The following CCM2 variants were observed in gnomAD, a reference collection of about 807,000 sequenced individuals.
CCM2 encodes the protein cerebral cavernous malformations 2 protein.
Under a neutral mutation model 44.9 loss-of-function variants are expected in CCM2, and 25 were observed. That is an observed-to-expected ratio of 0.56 (90% CI 0.41 to 0.78). The LOEUF (loss-of-function observed/expected upper bound fraction) is 0.78. Ranked by LOEUF, CCM2 falls within the 30% of genes least tolerant of loss-of-function variation. The pLI is 0.00. For missense variants in CCM2, 481 were observed against 580.6 expected (o/e 0.83, Z 1.76); for synonymous variants, 219 against 241.1 (o/e 0.91, Z 0.85).
intron 2 of CCM2, among the ~76,000 whole-genome samples, chr7:45,055,459 C>T (rs531889551): frequency 7.9e-5 from 12 of 152,186 alleles, no homozygotes; most frequent in African/African-American, 2.2e-4. Flanking sequence ...GAGGCTAAGG[C>T]GGGTGGATCA....
intron 1 of CCM2, among the ~76,000 whole-genome samples, chr7:45,013,987 C>G (rs1796161822): frequency 6.6e-6 from 1 of 152,136 alleles, no homozygotes; most frequent in Non-Finnish European, 1.5e-5. Context: ...CAAGTTTCTT[C>G]ATTTTAAAGT....
chr7:45,065,691 T>A (rs1798737577), intron 4 of CCM2, among the ~76,000 whole-genome samples: 1 of 152,192 alleles, frequency 6.6e-6, no homozygotes, highest in South Asian at 2.1e-4. Flanking sequence ...CAGGGAACAC[T>A]GGCGGGGTTT....
intron 2 of CCM2, among the ~76,000 whole-genome samples, chr7:45,045,896 A>C (rs941397055): frequency 1.3e-5 from 2 of 152,252 alleles, no homozygotes; most frequent in Non-Finnish European, 2.9e-5. Context: ...AATCACTTAA[A>C]AAATGAAACA....
chr7:45,037,948 C>T (rs1318617695), intron 1 of CCM2, among the ~76,000 whole-genome samples: 1 of 152,238 alleles, frequency 6.6e-6, no homozygotes, highest in Non-Finnish European at 1.5e-5. Flanking sequence ...GAATCTCCCC[C>T]TTCTATCATT....
At chr7:45,074,872 G>A (rs969431496) in intron 9 of CCM2, among the ~76,000 whole-genome samples, 16 of 152,204 alleles carry the variant, frequency 1.1e-4, no homozygotes, top group Non-Finnish European at 1.9e-4. Flanking sequence ...AGGGCTGTGT[G>A]GTCTGAGCAG....
rs144918172 is a variant in CCM2 at position 45,076,006 on chromosome 7, C to T, written c.1284C>T (p.Ile428=). Reference sequence around the variant, plus strand: ...AGTGGGACCGCATGATCTCGGACATCAGCAGCGACATTGAGGCGCTGGGCT... The same window carrying T: ...AGTGGGACCGCATGATCTCGGACATTAGCAGCGACATTGAGGCGCTGGGCT... ...GDEWDRMISD[I]SSDIEALGCS... The change falls in exon 10 of 10, where the codon ATC becomes ATT. Residue 428 remains isoleucine, a synonymous_variant. Transcript: ENST00000258781. The T allele has an allele frequency of 3.2e-5, 52 of 1,612,970 alleles. No individual in the cohort carries two copies. The African/African-American group carries it at 6.3e-4, about 19-fold the overall frequency.
At chr7:45,061,584 C>A (rs1798525353) in intron 2 of CCM2, among the ~76,000 whole-genome samples, 1 of 151,688 alleles carries the variant, frequency 6.6e-6, no homozygotes, top group African/African-American at 2.4e-5. Flanking sequence ...CCTCCCATCT[C>A]AGCCTCCTGA....
chr7:45,023,465 G>A (rs1465388694), intron 1 of CCM2, among the ~76,000 whole-genome samples: 1 of 152,150 alleles, frequency 6.6e-6, no homozygotes, highest in Non-Finnish European at 1.5e-5. Flanking sequence ...CGGGAGAATC[G>A]CTTGAACTTG....
intron 1 of CCM2, among the ~76,000 whole-genome samples, chr7:45,015,199 C>T (rs1796216834): frequency 6.6e-6 from 1 of 152,142 alleles, no homozygotes; most frequent in Non-Finnish European, 1.5e-5. Context: ...CACACTGATA[C>T]CTCTAATTCC....
rs1226615123 is a variant in CCM2, at chr7:45,000,236, A to G, written c.-98A>G. 9.3e-6 allele frequency: 6 copies of G among 642,760 alleles called. No homozygotes were observed. The highest frequency in any genetic ancestry group is 1.1e-5 in the Non-Finnish European group (6 of 548,016). 39.8% of individuals were successfully genotyped at this position (642,760 alleles called of 1,614,324 possible). A position where few individuals can be genotyped will look rare whatever the true frequency, so the allele number is the denominator to read the frequency against. The stretch of plus-strand genomic sequence containing the variant: ...GGCCCGGCTGGCGGGCGGCGCCGGG[A>G]GCGCGGGGGCGGCGGGCCCGGGTCG... On this transcript the variant is annotated 5_prime_UTR_variant, in exon 1 of 10. Transcript: ENST00000258781.
chr7:45,042,562 G>GCAA (rs1797563907), intron 2 of CCM2, among the ~76,000 whole-genome samples: 11 of 152,062 alleles, frequency 7.2e-5, no homozygotes, highest in Admixed American at 7.2e-4. Context: ...TACTCATAGG[G>GCAA]GAAAACAGAA....
chr7:45,058,588 C>G (rs539314374), intron 2 of CCM2, among the ~76,000 whole-genome samples: 4 of 149,292 alleles, frequency 2.7e-5, no homozygotes, highest in African/African-American at 9.9e-5. Context: ...TTTGTCCTTG[C>G]GATAGTTTGT....
chr7:45,008,195 A>G (rs1350478724), intron 1 of CCM2, among the ~76,000 whole-genome samples: 1 of 151,722 alleles, frequency 6.6e-6, no homozygotes, highest in Non-Finnish European at 1.5e-5. Flanking sequence ...GCGTGTTCCC[A>G]TGCCCGGCTA....
At chr7:45,038,972 T>C (rs1797353643) in intron 2 of CCM2, among the ~76,000 whole-genome samples, 1 of 152,000 alleles carries the variant, frequency 6.6e-6, no homozygotes, top group African/African-American at 2.4e-5. Flanking sequence ...TCAGAGAGAA[T>C]AGGAAAGGAG....
At chr7:45,008,551 G>A (rs1344777287) in intron 1 of CCM2, among the ~76,000 whole-genome samples, 2 of 151,634 alleles carry the variant, frequency 1.3e-5, no homozygotes, top group Non-Finnish European at 2.9e-5. Context: ...TAGTAGAGAC[G>A]GGGTTTCTCC....
At chr7:45,050,258 C>G (rs1371447219) in intron 2 of CCM2, among the ~76,000 whole-genome samples, 1 of 148,412 alleles carries the variant, frequency 6.7e-6, no homozygotes, top group Non-Finnish European at 1.5e-5. Context: ...GTGTAGTGGG[C>G]TATAATGTAC....
At chr7:45,025,329 C>T (rs1420120763) in intron 1 of CCM2, among the ~76,000 whole-genome samples, 3 of 152,218 alleles carry the variant, frequency 2.0e-5, no homozygotes, top group Non-Finnish European at 2.9e-5. Context: ...TTCCCTTTAT[C>T]GAATTGGTGG....
At chr7:45,026,717 C>G (rs1003551423) in intron 1 of CCM2, among the ~76,000 whole-genome samples, 1 of 151,442 alleles carries the variant, frequency 6.6e-6, no homozygotes. Flanking sequence ...ATTCTCCTGC[C>G]TCAGCCTCCC....
intron 1 of CCM2, among the ~76,000 whole-genome samples, chr7:45,019,938 C>T (rs185810125): frequency 4.1e-4 from 62 of 152,242 alleles, no homozygotes; most frequent in Non-Finnish European, 6.3e-4. Flanking sequence ...AGTCTCACCT[C>T]CGCTTACGCA....
Sources: allele counts gnomAD v4.1 joint callset (sites outside exome capture counted in the v4.1 genomes callset), GRCh38; gene constraint gnomAD v4.1.1; transcripts MANE v1.5; gene names NCBI Gene and HGNC (gene_info 2026-07-23, HGNC 2026-07-21).